The following LUZP2 variants were observed in gnomAD, a reference collection of about 807,000 sequenced individuals.
LUZP2 encodes leucine zipper protein 2.
A neutral mutation model predicts 51.6 loss-of-function variants in LUZP2; 52 were observed. The observed-to-expected ratio is 1.01, with a 90% CI of 0.81 to 1.27. The LOEUF is 1.27. LUZP2 is among the 50% of genes most tolerant of loss of function. The pLI is 0.00. For synonymous variants in LUZP2, 154 were observed against 137.3 expected (o/e 1.12, Z -0.85); for missense variants, 436 against 395.4 (o/e 1.10, Z -0.87).
At chr11:24,923,373 C>T (rs561182500) in intron 7 of LUZP2, among the ~76,000 whole-genome samples, 3 of 152,180 alleles carry the variant, frequency 2.0e-5, no homozygotes, top group South Asian at 2.1e-4. Flanking sequence ...TCCAAACTGC[C>T]TCCCATTTTG....
At chr11:24,580,597 C>CAAAAA (rs1212119806) in intron 1 of LUZP2, among the ~76,000 whole-genome samples, 118 of 151,064 alleles carry the variant, frequency 7.8e-4, no homozygotes, top group African/African-American at 2.5e-3. Context: ...AATCCTTTCA[C>CAAAAA]AAAACAAAAA....
intron 9 of LUZP2, among the ~76,000 whole-genome samples, chr11:25,049,238 G>A (rs182952862): frequency 2.8e-4 from 43 of 152,152 alleles, no homozygotes; most frequent in Admixed American, 2.3e-3. Flanking sequence ...CTCAGACTCA[G>A]GCAAATTAGC....
At chr11:24,607,138 TCATGTACTTC>T (rs1853949190) in intron 1 of LUZP2, among the ~76,000 whole-genome samples, 1 of 151,928 alleles carries the variant, frequency 6.6e-6, no homozygotes, top group South Asian at 2.1e-4. Flanking sequence ...CATTTTAGTT[TCATGTACTTC>T]CAATCATTTA....
intron 5 of LUZP2, among the ~76,000 whole-genome samples, chr11:24,870,543 T>C (rs1214301610): frequency 2.6e-5 from 4 of 151,910 alleles, no homozygotes; most frequent in African/African-American, 7.3e-5. Flanking sequence ...ATTATTTCTA[T>C]TACTTGTGAC....
chr11:24,685,136 C>T (rs1177928460), intron 1 of LUZP2, among the ~76,000 whole-genome samples: 1 of 151,884 alleles, frequency 6.6e-6, no homozygotes, highest in Non-Finnish European at 1.5e-5. Context: ...TGCCTTTTCT[C>T]CTAGGATCCT....
At chr11:25,012,893 A>G (rs1232051353) in intron 9 of LUZP2, among the ~76,000 whole-genome samples, 1 of 152,182 alleles carries the variant, frequency 6.6e-6, no homozygotes, top group Non-Finnish European at 1.5e-5. Context: ...AGGAAAAGAA[A>G]GAGATATATC....
chr11:25,050,289 T>TTC (rs1211623044), intron 10 of LUZP2, among the ~76,000 whole-genome samples, 159 bp downstream of exon 10: 19 of 129,508 alleles, frequency 1.5e-4, no homozygotes, highest in Admixed American at 1.3e-3. Context: ...GTTCTTTATG[T>TTC]TCTTTTTTTT....
At chr11:24,637,464 A>G (rs560277446) in intron 1 of LUZP2, among the ~76,000 whole-genome samples, 1 of 152,000 alleles carries the variant, frequency 6.6e-6, no homozygotes, top group South Asian at 2.1e-4. Context: ...GAACAAGGAA[A>G]GATAACCATA....
chr11:24,802,972 G>T (rs548046266), intron 5 of LUZP2, among the ~76,000 whole-genome samples: 10 of 152,092 alleles, frequency 6.6e-5, no homozygotes, highest in African/African-American at 9.6e-5. Flanking sequence ...TTTTAGAATT[G>T]TGAGAAATAA....
At chr11:24,638,111 T>C (rs1391958072) in intron 1 of LUZP2, among the ~76,000 whole-genome samples, 4 of 151,836 alleles carry the variant, frequency 2.6e-5, no homozygotes, top group Non-Finnish European at 4.4e-5. Context: ...TGGGGGCTGG[T>C]TCCCTGATAT....
At chr11:24,664,588 G>T (rs1856148631) in intron 1 of LUZP2, among the ~76,000 whole-genome samples, 1 of 152,072 alleles carries the variant, frequency 6.6e-6, no homozygotes, top group Non-Finnish European at 1.5e-5. Context: ...TGGTTTCCTG[G>T]GCTGGTCCCA....
At chr11:24,593,610 G>A (rs1483552684) in intron 1 of LUZP2, among the ~76,000 whole-genome samples, 1 of 152,152 alleles carries the variant, frequency 6.6e-6, no homozygotes, top group Non-Finnish European at 1.5e-5. Flanking sequence ...AACCCTCACA[G>A]TTTGGGACAC....
intron 5 of LUZP2, among the ~76,000 whole-genome samples, chr11:24,804,085 C>T (rs188674889): frequency 2.0e-5 from 3 of 151,840 alleles, no homozygotes; most frequent in Admixed American, 6.6e-5. Flanking sequence ...CTAGCAATTC[C>T]TTAATTTTCT....
At chr11:24,550,582 T>C (rs1407282847) in intron 1 of LUZP2, among the ~76,000 whole-genome samples, 1 of 152,124 alleles carries the variant, frequency 6.6e-6, no homozygotes, top group East Asian at 1.9e-4. Context: ...AACTTCCAGA[T>C]ATTAGCAACT....
chr11:24,992,608 A>G (rs575357504), intron 9 of LUZP2, among the ~76,000 whole-genome samples: 1 of 152,278 alleles, frequency 6.6e-6, no homozygotes, highest in African/African-American at 2.4e-5. Flanking sequence ...GAATAAATGA[A>G]TTATTTAAAA....
chr11:24,926,301 A>G (rs1001323168), intron 7 of LUZP2, among the ~76,000 whole-genome samples: 5 of 137,656 alleles, frequency 3.6e-5, no homozygotes, highest in African/African-American at 1.1e-4. Flanking sequence ...GTGTATATAT[A>G]TACGTGTGTA....
intron 7 of LUZP2, among the ~76,000 whole-genome samples, chr11:24,968,379 A>G (rs1018934917): frequency 6.6e-6 from 1 of 152,172 alleles, no homozygotes; most frequent in Non-Finnish European, 1.5e-5. Flanking sequence ...TTGCATACAA[A>G]ATCAGTCAGT....
chr11:24,642,523 G>T (rs1855325715), intron 1 of LUZP2, among the ~76,000 whole-genome samples: 1 of 151,768 alleles, frequency 6.6e-6, no homozygotes, highest in African/African-American at 2.4e-5. Context: ...ATCTAGAAAG[G>T]TTTAGAAACC....
chr11:24,919,647 T>C (rs978151021), intron 7 of LUZP2, among the ~76,000 whole-genome samples: 6 of 148,754 alleles, frequency 4.0e-5, no homozygotes, highest in African/African-American at 1.2e-4. Flanking sequence ...TATGTGTAGG[T>C]ATGTTTATAC....
Sources: gnomAD v4.1 joint callset for allele counts (sites outside exome capture counted in the v4.1 genomes callset) on GRCh38, gnomAD v4.1.1 for gene constraint, MANE v1.5 for transcripts, NCBI Gene and HGNC (gene_info 2026-07-23, HGNC 2026-07-21) for gene names.